FRMD3: variants seen among roughly 807,000 people sequenced by gnomAD.
The protein encoded by FRMD3 is FERM domain-containing protein 3.
FRMD3 carries 33 observed loss-of-function variants against 70.2 expected under a neutral mutation model. The ratio of observed to expected loss-of-function variants is 0.47; its 90% confidence interval spans 0.36 to 0.63. The LOEUF (loss-of-function observed/expected upper bound fraction) is 0.63. FRMD3 is among the 20% of genes least tolerant of loss of function. The probability of loss-of-function intolerance (pLI) is 0.00; values close to 1 mark genes in which losing one functional copy is unlikely to be tolerated. For synonymous variants in FRMD3, 279 were observed against 255.9 expected, an observed-to-expected ratio of 1.09 and a Z score of -0.86; for missense variants, 632 against 711.4, an observed-to-expected ratio of 0.89 and a Z score of 1.27.
chr9:83,317,167 C>T (rs1283052717), intron 6 of FRMD3, among the ~76,000 whole-genome samples: 1 of 150,316 alleles, frequency 6.7e-6, no homozygotes, highest in Non-Finnish European at 1.5e-5. Flanking sequence ...ATTGAATTCA[C>T]ATATTATTGA....
the FRMD3 span, among the ~76,000 whole-genome samples, chr9:83,574,654 ATAGAATGTGGGG>A: frequency 6.6e-6 from 1 of 152,146 alleles, no homozygotes; most frequent in Non-Finnish European, 1.5e-5. Context: ...GAAACTATTA[ATAGAATGTGGGG>A]TAGGTTAGCA....
chr9:83,416,753 C>CTG (rs1564066991), intron 1 of FRMD3, among the ~76,000 whole-genome samples: 1 of 101,028 alleles, frequency 9.9e-6, no homozygotes, highest in Admixed American at 9.6e-5. Context: ...CTGTCTCTCT[C>CTG]TCTCTCTCTC....
intron 1 of FRMD3, among the ~76,000 whole-genome samples, chr9:83,390,431 C>T (rs1825636519): frequency 6.6e-6 from 1 of 152,210 alleles, no homozygotes; most frequent in African/African-American, 2.4e-5. Context: ...TCCTCAGAGC[C>T]ACTGCATCCC....
intron 1 of FRMD3, among the ~76,000 whole-genome samples, chr9:83,406,678 T>C (rs76440298): frequency 0.014 from 2,096 of 152,352 alleles, 39 homozygotes; most frequent in African/African-American, 0.048. Flanking sequence ...AGAGAGTTGG[T>C]TCCTTGCCAT....
chr9:83,304,825 C>T (rs1835061244), intron 10 of FRMD3, among the ~76,000 whole-genome samples: 2 of 152,204 alleles, frequency 1.3e-5, no homozygotes, highest in Non-Finnish European at 2.9e-5. Context: ...ACAGACCACA[C>T]ATGGTATAAA....
At chr9:83,474,641 T>C (rs534772647) in intron 1 of FRMD3, among the ~76,000 whole-genome samples, 11 of 152,194 alleles carry the variant, frequency 7.2e-5, no homozygotes, top group African/African-American at 2.6e-4. Context: ...AAGCATATTT[T>C]AAAAACTGGA....
intron 13 of FRMD3, among the ~76,000 whole-genome samples, chr9:83,266,136 T>TAA (rs964510503): frequency 1.4e-5 from 2 of 145,006 alleles, no homozygotes; most frequent in Admixed American, 6.9e-5. Flanking sequence ...ATCCCATTTA[T>TAA]AAAAAAAAAA....
At chr9:83,490,144 A>C (rs1828783877) in intron 1 of FRMD3, among the ~76,000 whole-genome samples, 1 of 152,142 alleles carries the variant, frequency 6.6e-6, no homozygotes, top group Non-Finnish European at 1.5e-5. Flanking sequence ...TGCTCATCTC[A>C]GAAACAGAAC....
intron 1 of FRMD3, among the ~76,000 whole-genome samples, chr9:83,475,699 C>T (rs1225899275): frequency 6.6e-6 from 1 of 152,090 alleles, no homozygotes; most frequent in Non-Finnish European, 1.5e-5. Flanking sequence ...GTTTAGAGAT[C>T]ACTTTACCAT....
chr9:83,384,611 G>C (rs1202348781), intron 2 of FRMD3, among the ~76,000 whole-genome samples: 4 of 152,096 alleles, frequency 2.6e-5, no homozygotes, highest in African/African-American at 9.7e-5. Flanking sequence ...TGTGACGGTG[G>C]GGGATCAGGA....
chr9:83,248,462 G>A lies in FRMD3; in HGVS notation c.1250C>T (p.Pro417Leu). The A allele has an allele frequency of 6.2e-7, 1 of 1,613,654 alleles. No individual in the cohort carries two copies. The highest frequency in any genetic ancestry group is 8.5e-7 in the Non-Finnish European group (1 of 1,179,966). The change falls in exon 14 of 14, where the codon CCA becomes CTA. Residue 417 changes from proline (P) to leucine (L), a missense_variant. This residue lies in a region of FRMD3 where 418 missense variants were observed against 442.1 expected (regional missense o/e 0.95). Transcript: ENST00000304195. ...NISAPLISSS[P>L]VKAAREYEDP... Reference sequence around the variant, plus strand: ...TTCATACTCCCGGGCTGCCTTCACTGGGGAGCTGGAGATCAAGGGAGCAGA... The same window carrying A: ...TTCATACTCCCGGGCTGCCTTCACTAGGGAGCTGGAGATCAAGGGAGCAGA...
intron 1 of FRMD3, among the ~76,000 whole-genome samples, chr9:83,461,609 AG>A (rs1827972839): frequency 6.7e-6 from 1 of 148,506 alleles, no homozygotes; most frequent in South Asian, 2.2e-4. Context: ...TGTGGTATTC[AG>A]GGAAGTTCAA....
chr9:83,247,106 T>A lies in FRMD3; in HGVS notation c.*812A>T. On this transcript the variant is annotated 3_prime_UTR_variant, in exon 14 of 14. Coordinates refer to ENST00000304195, the MANE Select transcript of FRMD3 (RefSeq NM_174938.6). ...ACAGAATACAAATGAAAATAACAAG[T>A]CCTCTTGTCCAAATACTTTGAAAAA... 1 of 985,414 alleles carries A rather than the reference T, an allele frequency of 1.0e-6. No homozygotes were observed. Among genetic ancestry groups the A allele is most frequent in the Non-Finnish European group, 1.2e-6 (1 of 829,914 alleles). 61.0% of individuals were successfully genotyped at this position (985,414 alleles called of 1,614,324 possible).
At chr9:83,499,635 C>T (rs1265923641) in intron 1 of FRMD3, among the ~76,000 whole-genome samples, 6 of 152,140 alleles carry the variant, frequency 3.9e-5, no homozygotes, top group Non-Finnish European at 8.8e-5. Context: ...AGAATGCTGA[C>T]GCCACCAAAT....
intron 1 of FRMD3, among the ~76,000 whole-genome samples, chr9:83,438,961 G>A (rs1587853264): frequency 6.6e-6 from 1 of 152,148 alleles, no homozygotes; most frequent in East Asian, 1.9e-4. Flanking sequence ...GAGGAAGGAA[G>A]GAGAGGCCTG....
At chr9:83,324,595 C>A (rs10121898) in intron 6 of FRMD3, among the ~76,000 whole-genome samples, 54,867 of 151,944 alleles carry the variant, frequency 0.36, 10,109 homozygotes, top group African/African-American at 0.41. Context: ...CAAGGACCCC[C>A]AAACTAAAGG....
At chr9:83,575,745 T>C in the FRMD3 span, among the ~76,000 whole-genome samples, 12 of 152,086 alleles carry the variant, frequency 7.9e-5, no homozygotes, top group Non-Finnish European at 1.2e-4. Flanking sequence ...AATAAAGAGA[T>C]TGAATTACTA....
At chr9:83,335,304 C>G (rs1020998276) in intron 6 of FRMD3, among the ~76,000 whole-genome samples, 2 of 152,198 alleles carry the variant, frequency 1.3e-5, no homozygotes, top group Non-Finnish European at 2.9e-5. Context: ...GGATCATAAA[C>G]AGCCACTCAT....
intron 3 of FRMD3, among the ~76,000 whole-genome samples, chr9:83,352,943 T>C (rs1824210967): frequency 6.6e-6 from 1 of 152,180 alleles, no homozygotes; most frequent in Admixed American, 6.5e-5. Context: ...TGCTGGGATA[T>C]GATCACAGAA....
Sources: allele counts gnomAD v4.1 joint callset (sites outside exome capture counted in the v4.1 genomes callset), GRCh38; gene constraint gnomAD v4.1.1; regional missense constraint gnomAD v4.1.1; transcripts MANE v1.5; gene names NCBI Gene and HGNC (gene_info 2026-07-23, HGNC 2026-07-21).